CACNA1A: variants seen among roughly 807,000 people sequenced by gnomAD.
CACNA1A encodes voltage-dependent P/Q-type calcium channel subunit alpha-1A.
A neutral mutation model predicts 262.4 loss-of-function variants in CACNA1A; 57 were observed. The observed-to-expected ratio is 0.22, with a 90% CI of 0.18 to 0.27. The LOEUF is 0.27. Among genes scored for constraint, CACNA1A ranks in the 10% least tolerant of loss-of-function variants. CACNA1A has a pLI of 1.00. For missense variants in CACNA1A, 2,526 were observed against 3,562.8 expected (o/e 0.71, Z 7.41); for synonymous variants, 1,431 against 1,419.3 (o/e 1.01, Z -0.18).
intron 24 of CACNA1A, among the ~76,000 whole-genome samples, chr19:13,269,601 C>T (rs998970554): frequency 2.8e-4 from 42 of 152,248 alleles, no homozygotes; most frequent in African/African-American, 9.1e-4. Context: ...GAAGAACAGC[C>T]GCGCCAGATG....
intron 1 of CACNA1A, 58 bp downstream of exon 1, chr19:13,505,874 G>T: frequency 6.5e-7 from 1 of 1,536,842 alleles, no homozygotes; most frequent in Non-Finnish European, 8.9e-7. Context: ...CTGGAAGAGG[G>T]GAGGCGGAGG....
chr19:13,329,290 T>C (rs1051440301), intron 10 of CACNA1A, among the ~76,000 whole-genome samples: 1 of 152,004 alleles, frequency 6.6e-6, no homozygotes, highest in African/African-American at 2.4e-5. Flanking sequence ...CTACCCATCC[T>C]TCAGTTCCCA....
intron 34 of CACNA1A, among the ~76,000 whole-genome samples, chr19:13,232,874 C>T (rs1411016756): frequency 6.6e-6 from 1 of 151,414 alleles, no homozygotes; most frequent in Non-Finnish European, 1.5e-5. Context: ...CATGGCAAAA[C>T]CCCGTCTCTA....
intron 2 of CACNA1A, among the ~76,000 whole-genome samples, chr19:13,453,536 C>G (rs1270697388): frequency 6.6e-6 from 1 of 152,176 alleles, no homozygotes; most frequent in Admixed American, 6.5e-5. Context: ...GCATTGACCT[C>G]ACTCCTAAAT....
intron 6 of CACNA1A, among the ~76,000 whole-genome samples, chr19:13,349,464 T>C (rs2058864164): frequency 6.6e-6 from 1 of 152,242 alleles, no homozygotes; most frequent in Admixed American, 6.5e-5. Context: ...GTGGAGACAA[T>C]TTCTGGCTTT....
chr19:13,302,538 G>A (rs1194138510), intron 17 of CACNA1A, among the ~76,000 whole-genome samples: 1 of 152,204 alleles, frequency 6.6e-6, no homozygotes, highest in African/African-American at 2.4e-5. Context: ...ATGCTTGTAG[G>A]ATCAATGAAA....
rs2054625210 is a variant in CACNA1A, at chr19:13,207,868, CT to C, written c.6965del (p.Gln2322ArgfsTer286). ...PQQQQQQQQQ[Q>X]QQQAVARPGR... ...CCGGCCTGGCCACCGCCTGCTGCTG[CT>C]GCTGCTGCTGCTGCTGCTGCTGCTG... On this transcript the variant is annotated frameshift_variant, in exon 47 of 47. Coordinates refer to ENST00000360228, the MANE Select transcript of CACNA1A (RefSeq NM_001127222.2). LOFTEE classifies it low-confidence loss of function (END_TRUNC). The surrounding 1 kb of genome is among the most constrained non-coding windows in gnomAD (Gnocchi z 5.7). The C allele has an allele frequency of 1.6e-5, 18 of 1,158,254 alleles. No homozygotes were observed. Among genetic ancestry groups the C allele is most frequent in the Non-Finnish European group, 1.8e-5 (16 of 878,868 alleles). The allele number at this position is 1,158,254 out of a possible 1,614,324, so 71.7% of individuals were successfully genotyped here.
At position 13,208,997 on chromosome 19, in the gene CACNA1A, T is replaced by A; in HGVS notation, c.6539A>T (p.Asp2180Val). ...YTDVDTGLGT[D>V]LSMTTQSGDL... ...CCCGGATTGGGTGGTCATGCTCAGG[T>A]CTGTCCCCAAGCCTGGGCCGGGTGA... is the stretch of plus-strand genomic sequence containing the variant. Residue 2180 changes from aspartate (D) to valine (V), a missense_variant, in exon 46 of 47, where the codon GAC becomes GTC. Physicochemically the swap from Asp to Val is radical, Grantham distance 152. Coordinates refer to ENST00000360228, the MANE Select transcript of CACNA1A (RefSeq NM_001127222.2). 6.5e-7 allele frequency: 1 copy of A among 1,537,054 alleles called. No individual in the cohort carries two copies. The highest frequency in any genetic ancestry group is 8.7e-7 in the Non-Finnish European group (1 of 1,146,848).
intron 37 of CACNA1A, among the ~76,000 whole-genome samples, chr19:13,226,708 G>T (rs1290236478): frequency 2.6e-5 from 4 of 152,192 alleles, no homozygotes; most frequent in African/African-American, 9.7e-5. Flanking sequence ...CATGGTGCCT[G>T]CCCGCCCCAG....
In CACNA1A at chr19:13,299,348, T is replaced by C. The variant is rs1344052434; in HGVS notation, c.2285A>G (p.Glu762Gly). 1 of 1,599,552 alleles carries C rather than the reference T, an allele frequency of 6.3e-7. No homozygotes were observed. The change falls in exon 19 of 47, where the codon GAG (glutamate) becomes GGG (glycine). Residue 762 changes from glutamate (E) to glycine (G), a missense_variant. Physicochemically the swap from Glu to Gly is moderately conservative, Grantham distance 98. Transcript: ENST00000360228. ...GGCTGGCTTTTGATTCTTCTGTTGC[T>C]CTTTCCTGCAGTGGCATGGTCACAG... ...SAANMSIAVK[E>G]QQKNQKPAKS...
chr19:13,429,585 G>A (rs920825171), intron 3 of CACNA1A, among the ~76,000 whole-genome samples: 2 of 147,068 alleles, frequency 1.4e-5, no homozygotes, highest in African/African-American at 5.0e-5. Flanking sequence ...AAGGGCCCCA[G>A]TGGGTCAAAT....
chr19:13,300,418 G>A lies in CACNA1A; in HGVS notation c.2279+132C>T, dbSNP rs533826532. On this transcript the variant is annotated intron_variant, in intron 18 of 46. Transcript: ENST00000360228. ...AATATTTATTGAGTGAAAGTGGGTGGAAGGACAAGAAGTGTCTCTTCCTAA... is the reference window on the plus strand; with the variant it reads ...AATATTTATTGAGTGAAAGTGGGTGAAAGGACAAGAAGTGTCTCTTCCTAA... 2.9e-3 allele frequency: 1,947 copies of A among 670,388 alleles called. 10 individuals are homozygous for A. The highest frequency in any genetic ancestry group is 9.5e-3 in the Middle Eastern group (23 of 2,426). The allele number at this position is 670,388 out of a possible 1,614,324, so 41.5% of individuals were successfully genotyped here.
intron 38 of CACNA1A, among the ~76,000 whole-genome samples, chr19:13,220,919 C>T (rs2144573935): frequency 6.6e-6 from 1 of 152,138 alleles, no homozygotes; most frequent in East Asian, 1.9e-4. Flanking sequence ...AGCCACTGCT[C>T]CCAACTTCCT....
At chr19:13,225,986 C>T (rs983928713) in intron 37 of CACNA1A, 1 of 152,054 alleles carries the variant, frequency 6.6e-6, no homozygotes, top group Non-Finnish European at 1.5e-5. Flanking sequence ...GCCACCACGC[C>T]CAGCCCCCGA....
chr19:13,425,388 A>T (rs1453859467), intron 3 of CACNA1A, among the ~76,000 whole-genome samples: 1 of 152,128 alleles, frequency 6.6e-6, no homozygotes, highest in Non-Finnish European at 1.5e-5. Flanking sequence ...GGGTGGGGCA[A>T]AGTCCAGGGT....
At chr19:13,297,585 C>T (rs992479278) in intron 19 of CACNA1A, among the ~76,000 whole-genome samples, 8 of 151,918 alleles carry the variant, frequency 5.3e-5, no homozygotes, top group African/African-American at 1.2e-4. Context: ...CTAAGGCAGG[C>T]GGAATGCTTG....
chr19:13,450,066 G>T (rs1481173621), intron 3 of CACNA1A, among the ~76,000 whole-genome samples: 1 of 150,046 alleles, frequency 6.7e-6, no homozygotes, highest in Non-Finnish European at 1.5e-5. Flanking sequence ...ACTTGAAACT[G>T]GGAGGCAGAG....
intron 19 of CACNA1A, among the ~76,000 whole-genome samples, chr19:13,292,640 T>C (rs1016185169): frequency 6.6e-6 from 1 of 151,734 alleles, no homozygotes; most frequent in African/African-American, 2.4e-5. Context: ...ATCAATATGC[T>C]GGAGAATGAA....
At position 13,334,399 on chromosome 19, in the gene CACNA1A, T is replaced by C; in HGVS notation, c.1177A>G (p.Met393Val). 1 of 1,597,022 alleles carries C rather than the reference T, an allele frequency of 6.3e-7. No homozygotes were observed. Among genetic ancestry groups the C allele is most frequent in the Non-Finnish European group, 8.6e-7 (1 of 1,164,386 alleles). Residue 393 changes from methionine (M) to valine (V), a missense_variant, in exon 8 of 47, where the codon ATG becomes GTG. By Grantham distance (21) the Met-to-Val change is conservative. Around this residue, in one of 17 missense-constraint regions of CACNA1A, gnomAD observed 104 missense variants for 127.6 expected, o/e 0.81. Coordinates refer to ENST00000360228, the MANE Select transcript of CACNA1A (RefSeq NM_001127222.2). ...QQIERELNGYMEWISKAEEVI... is the reference protein window; with the variant it reads ...QQIERELNGYVEWISKAEEVI... ...TCACCTGCTTTTGAGATCCACTCCA[T>C]GTACCCATTGAGCTCACGTTCAATC... is the stretch of plus-strand genomic sequence containing the variant.
Sources: allele counts gnomAD v4.1 joint callset (sites outside exome capture counted in the v4.1 genomes callset), GRCh38; gene constraint gnomAD v4.1.1; regional missense constraint gnomAD v4.1.1; non-coding constraint Gnocchi (gnomAD v3.1); transcripts MANE v1.5; gene names NCBI Gene and HGNC (gene_info 2026-07-23, HGNC 2026-07-21).